CSF1R: variants seen among roughly 807,000 people sequenced by gnomAD.
CSF1R encodes the protein colony stimulating factor 1 receptor.
In CSF1R, 40 loss-of-function variants were observed where a neutral mutation model predicts 110.0. The ratio of observed to expected loss-of-function variants is 0.36; its 90% CI spans 0.28 to 0.47. CSF1R has a LOEUF of 0.47. Among genes scored for constraint, CSF1R ranks in the 20% least tolerant of loss-of-function variants. The probability of loss-of-function intolerance (pLI) is 0.99; values close to 1 mark genes in which losing one functional copy is unlikely to be tolerated. For synonymous variants in CSF1R, 523 were observed against 503.4 expected, an observed-to-expected ratio of 1.04 and a Z score of -0.52; for missense variants, 1,052 against 1,253.0, an observed-to-expected ratio of 0.84 and a Z score of 2.42.
chr5:150,075,974 T>G (rs1758243131), intron 5 of CSF1R, among the ~76,000 whole-genome samples: 1 of 152,186 alleles, frequency 6.6e-6, no homozygotes, highest in Non-Finnish European at 1.5e-5. Flanking sequence ...CCTCGCCACC[T>G]CCATCTCCCA....
rs1214473761 is a variant in CSF1R at position 150,056,133 on chromosome 5, C to T, written c.2447G>A (p.Arg816His). The part of the protein sequence containing the change: ...DSNYIVKGNA[R>H]LPVKWMAPES... The stretch of plus-strand genomic sequence containing the variant: ...TGGGGCCATCCACTTCACAGGCAGG[C>T]GGGCCTGGGATGACAGTCCCCAGTT... The change falls in exon 18 of 21, where the codon CGC becomes CAC. Residue 816 changes from arginine (R) to histidine (H), a missense_variant. Physicochemically the swap from Arg to His is conservative, Grantham distance 29. Coordinates refer to ENST00000675795, the MANE Select transcript of CSF1R (RefSeq NM_001288705.3). 1.2e-6 allele frequency: 2 copies of T among 1,614,192 alleles called. No homozygotes were observed. The highest frequency in any genetic ancestry group is 1.1e-5 in the South Asian group (1 of 91,080).
At chr5:150,083,415 T>C (rs757945359) in intron 1 of CSF1R, among the ~76,000 whole-genome samples, 24 of 144,806 alleles carry the variant, frequency 1.7e-4, no homozygotes, top group Admixed American at 2.7e-4. Context: ...ACACTAAGGC[T>C]GGACACAGCC....
chr5:150,085,335 G>C lies in CSF1R; in HGVS notation c.49+1044C>G, dbSNP rs535195341. Among the ~76,000 whole-genome samples, 5 of 149,216 alleles carry C rather than the reference G, an allele frequency of 3.4e-5. No individual in the cohort carries two copies. In the Admixed American group the frequency reaches 3.4e-4, roughly 10 times the overall value. On this transcript the variant is annotated intron_variant, in intron 1 of 20. Transcript: ENST00000675795. Reference sequence around the variant, plus strand: ...CAGTGTGATTGCCTGGGCCAGAGAAGGATGGTCAGTGGGCCATCTCCTCCT... The same window carrying C: ...CAGTGTGATTGCCTGGGCCAGAGAACGATGGTCAGTGGGCCATCTCCTCCT...
chr5:150,099,284 T>C (rs997585616), intron 1 of CSF1R, among the ~76,000 whole-genome samples: 1 of 152,146 alleles, frequency 6.6e-6, no homozygotes, highest in Non-Finnish European at 1.5e-5. Flanking sequence ...TGGAAATCAG[T>C]CTGGCAGTAT....
chr5:150,054,367 G>T lies in CSF1R; in HGVS notation c.2718C>A (p.Ile906=), dbSNP rs1757090868. The T allele has an allele frequency of 6.2e-7, 1 of 1,614,024 alleles. No homozygotes were observed. The highest frequency in any genetic ancestry group is 1.7e-5 in the Admixed American group (1 of 59,990). Residue 906 remains isoleucine (I), a synonymous_variant, in exon 20 of 21, where the codon ATC becomes ATA. Coordinates refer to ENST00000675795, the MANE Select transcript of CSF1R (RefSeq NM_001288705.3). ...GGGCCTGCTCCTGAAGGAAGGAGCAGATCTGCTGGAAGGTGGGTCTGTGGG... is the reference window on the plus strand; with the variant it reads ...GGGCCTGCTCCTGAAGGAAGGAGCATATCTGCTGGAAGGTGGGTCTGTGGG... The part of the protein sequence containing the change: ...EPTHRPTFQQ[I]CSFLQEQAQE...
rs59055324 is a variant in CSF1R, at chr5:150,083,349, AACACACACACAC to A, written c.50-2337_50-2326del. ...GCCCCAATCTCTACTCTTCTCTCCC[AACACACACACAC>A]ACACACACACACACACACACACACA... On this transcript the variant is annotated intron_variant, in intron 1 of 20. Coordinates refer to ENST00000675795, the MANE Select transcript of CSF1R (RefSeq NM_001288705.3). Among the ~76,000 whole-genome samples, 222 of 106,384 alleles carry A rather than the reference AACACACACACAC, an allele frequency of 2.1e-3. 1 individual carries two copies. Among genetic ancestry groups the A allele is most frequent in the African/African-American group, 6.0e-3 (161 of 26,990 alleles). 69.8% of individuals were successfully genotyped at this position (106,384 alleles called of 152,430 possible). A position where few individuals can be genotyped will look rare whatever the true frequency, so the allele number is the denominator to read the frequency against.
intron 1 of CSF1R, among the ~76,000 whole-genome samples, chr5:150,111,733 A>T (rs1329697687): frequency 1.3e-5 from 2 of 152,224 alleles, no homozygotes; most frequent in Non-Finnish European, 2.9e-5. Context: ...GATCTTGGGC[A>T]AGTCACTTCA....
rs983568715 is a variant in CSF1R at position 150,055,211 on chromosome 5, TC to T, written c.2654+25del. On this transcript the variant is annotated intron_variant, in intron 19 of 20. Coordinates refer to ENST00000675795, the MANE Select transcript of CSF1R (RefSeq NM_001288705.3). ...CCAGCGAAAGCCTGGGGTGTCCTTTTCCCTCCCTGGGATCCCTTCGCTTACA... is the reference window on the plus strand; with the variant it reads ...CCAGCGAAAGCCTGGGGTGTCCTTTTCCTCCCTGGGATCCCTTCGCTTACA... The T allele has an allele frequency of 1.1e-5, 17 of 1,603,936 alleles. No homozygotes were observed. In the African/African-American group the frequency reaches 2.0e-4, roughly 19 times the overall value.
chr5:150,054,062 C>G lies in CSF1R; in HGVS notation c.*7G>C, dbSNP rs1201886723. On this transcript the variant is annotated 3_prime_UTR_variant, in exon 21 of 21. Coordinates refer to ENST00000675795, the MANE Select transcript of CSF1R (RefSeq NM_001288705.3). ...AGGGGAGAGTGGTACTCCCTGTCGT[C>G]AACTCCTCAGCAGAACTGATAGTTG... 2 of 1,613,972 alleles carry G rather than the reference C, an allele frequency of 1.2e-6. No individual in the cohort carries two copies. Among genetic ancestry groups the G allele is most frequent in the Non-Finnish European group, 1.7e-6 (2 of 1,179,964 alleles).
Position 150,068,309 on chromosome 5 carries a change from T to G in CSF1R, c.1532A>C (p.Asp511Ala), listed in dbSNP as rs758099558. The change falls in exon 10 of 21, where the codon GAT becomes GCT. Residue 511 changes from aspartate (D) to alanine (A), a missense_variant. Asp to Ala is a moderately radical substitution (Grantham distance 126). Transcript: ENST00000675795. ...CACCACTGGTGTGAAGAGGAACTCATCCGGGGGATGCGTGTGGGCTCCTGG... is the reference window on the plus strand; with the variant it reads ...CACCACTGGTGTGAAGAGGAACTCAGCCGGGGGATGCGTGTGGGCTCCTGG... ...ISAGAHTHPPDEFLFTPVVVA... is the reference protein window; with the variant it reads ...ISAGAHTHPPAEFLFTPVVVA... The G allele has an allele frequency of 1.9e-6, 3 of 1,612,820 alleles. No homozygotes were observed. Among genetic ancestry groups the G allele is most frequent in the Non-Finnish European group, 2.5e-6 (3 of 1,179,800 alleles).
intron 1 of CSF1R, among the ~76,000 whole-genome samples, chr5:150,112,162 A>G (rs921591267): frequency 2.6e-5 from 4 of 152,186 alleles, no homozygotes; most frequent in African/African-American, 9.6e-5. Context: ...ACTGATCACC[A>G]TTCTCTGGTT....
chr5:150,073,629 G>T, intron 5 of CSF1R, 136 bp from the exon 6 acceptor site: 1 of 798,838 alleles, frequency 1.3e-6, no homozygotes, highest in Non-Finnish European at 1.9e-6. Context: ...ACCCAAGACA[G>T]GTCCTCTGAC....
Position 150,070,578 on chromosome 5 carries a change from G to A in CSF1R, c.1083-7C>T, listed in dbSNP as rs1186788002. 2.4e-5 allele frequency: 36 copies of A among 1,507,604 alleles called. No homozygotes were observed. The highest frequency in any genetic ancestry group is 5.3e-6 in the Non-Finnish European group (6 of 1,127,036). The allele number at this position is 1,507,604 out of a possible 1,614,324, so 93.4% of individuals were successfully genotyped here. A position where few individuals can be genotyped will look rare whatever the true frequency, so the allele number is the denominator to read the frequency against. On this transcript the variant is annotated splice_polypyrimidine_tract_variant and splice_region_variant and intron_variant, in intron 6 of 20. Coordinates refer to ENST00000675795, the MANE Select transcript of CSF1R (RefSeq NM_001288705.3). The stretch of plus-strand genomic sequence containing the variant: ...AGAGAGGGTGAAGGTGTGCCTGCAG[G>A]AGAGAATCAGGTGGTGTTGGTGAGC...
chr5:150,110,003 T>C (rs1407296371), intron 1 of CSF1R, among the ~76,000 whole-genome samples: 1 of 152,210 alleles, frequency 6.6e-6, no homozygotes, highest in African/African-American at 2.4e-5. Context: ...TTTAACTTCC[T>C]GGATCTCTTC....
chr5:150,062,701 C>G (rs999776773), intron 10 of CSF1R, among the ~76,000 whole-genome samples: 1 of 152,188 alleles, frequency 6.6e-6, no homozygotes, highest in Non-Finnish European at 1.5e-5. Flanking sequence ...AAAGTCCCTG[C>G]CCCTCCATGG....
In CSF1R at chr5:150,053,670, G is replaced by A. The variant is rs554464720; in HGVS notation, c.*399C>T. Reference sequence around the variant, plus strand: ...GAGAGGGAGATCTCACTCTCTGCCAGTCTGTCTAGCCCCAAAGAGCCTGGT... The same window carrying A: ...GAGAGGGAGATCTCACTCTCTGCCAATCTGTCTAGCCCCAAAGAGCCTGGT... On this transcript the variant is annotated 3_prime_UTR_variant, in exon 21 of 21. Coordinates refer to ENST00000675795, the MANE Select transcript of CSF1R (RefSeq NM_001288705.3). The A allele has an allele frequency of 3.3e-6, 1 of 304,234 alleles. No individual in the cohort carries two copies. Among genetic ancestry groups the A allele is most frequent in the Non-Finnish European group, 6.2e-6 (1 of 161,392 alleles). 18.8% of individuals were successfully genotyped at this position (304,234 alleles called of 1,614,324 possible). A position where few individuals can be genotyped will look rare whatever the true frequency, so the allele number is the denominator to read the frequency against.
intron 1 of CSF1R, among the ~76,000 whole-genome samples, chr5:150,096,341 G>A (rs112912126): frequency 0.2 from 29,695 of 152,138 alleles, 3,453 homozygotes; most frequent in Middle Eastern, 0.29. Flanking sequence ...TGTGAGCTGA[G>A]ATCGTGCCAT....
intron 12 of CSF1R, 141 bp from the exon 13 acceptor site, chr5:150,061,113 A>G (rs1757495362): frequency 5.0e-6 from 3 of 600,406 alleles, no homozygotes; most frequent in South Asian, 2.2e-5. Flanking sequence ...AAGCCAAAAG[A>G]AGGAGAAGGA....
At chr5:150,080,742 T>C (rs1181532147) in intron 2 of CSF1R, 25 bp downstream of exon 2, 1 of 1,613,684 alleles carries the variant, frequency 6.2e-7, no homozygotes, top group Non-Finnish European at 8.5e-7. Context: ...GTCAGGCCTC[T>C]TGGGAGGAGG....
Sources: gnomAD v4.1 joint callset for allele counts (sites outside exome capture counted in the v4.1 genomes callset) on GRCh38, gnomAD v4.1.1 for gene constraint, MANE v1.5 for transcripts, NCBI Gene and HGNC (gene_info 2026-07-23, HGNC 2026-07-21) for gene names.